Variants in RARB observed in about 807,000 individuals in gnomAD.
The protein encoded by RARB is retinoic acid receptor beta.
Under a neutral mutation model 51.9 loss-of-function variants are expected in RARB, and 17 were observed. The ratio of observed to expected loss-of-function variants is 0.33; its 90% CI spans 0.22 to 0.49. The LOEUF is 0.49. Among genes scored for constraint, RARB ranks in the 20% least tolerant of loss-of-function variants. The probability of loss-of-function intolerance (pLI) is 0.99; values close to 1 mark genes in which losing one functional copy is unlikely to be tolerated. For synonymous variants in RARB, 215 were observed against 195.4 expected, an observed-to-expected ratio of 1.10 and a Z score of -0.84; for missense variants, 369 against 550.8, an observed-to-expected ratio of 0.67 and a Z score of 3.30.
In RARB at chr3:25,428,327, G is replaced by T. The variant is rs540376892; in HGVS notation, c.-405G>T. 19 of 1,245,930 alleles carry T rather than the reference G, an allele frequency of 1.5e-5. No individual in the cohort carries two copies. In the African/African-American group the frequency reaches 2.8e-4, roughly 18 times the overall value. The allele number at this position is 1,245,930 out of a possible 1,614,324, so 77.2% of individuals were successfully genotyped here. ...AGGGTCTATTCTTTGCCAAAGGGGG[G>T]ACCAGAATTCCCCCATGCGAGCTGT... On this transcript the variant is annotated 5_prime_UTR_variant, in exon 1 of 8. Coordinates refer to ENST00000330688, the MANE Select transcript of RARB (RefSeq NM_000965.5).
chr3:25,022,530 G>A (rs7637315), intron 2 of RARB, among the ~76,000 whole-genome samples: 70,932 of 151,910 alleles, frequency 0.47, 16,894 homozygotes, highest in Admixed American at 0.56. Flanking sequence ...ATTCCAAAGC[G>A]GCTGTATCAT....
chr3:25,109,230 G>A (rs1452703368), intron 3 of RARB, among the ~76,000 whole-genome samples: 1 of 152,080 alleles, frequency 6.6e-6, no homozygotes, highest in Admixed American at 6.6e-5. Flanking sequence ...ATATTAGCTG[G>A]TATTTCATTG....
At chr3:25,502,853 A>G (rs1276297055) in intron 3 of RARB, among the ~76,000 whole-genome samples, 1 of 152,208 alleles carries the variant, frequency 6.6e-6, no homozygotes, top group African/African-American at 2.4e-5. Flanking sequence ...GAAAGACAGA[A>G]ATCAAGCCCT....
intron 3 of RARB, among the ~76,000 whole-genome samples, chr3:25,548,205 A>C (rs1375013359): frequency 6.6e-6 from 1 of 151,866 alleles, no homozygotes; most frequent in African/African-American, 2.4e-5. Context: ...CTGTGGTAGA[A>C]GATGGTGACA....
chr3:25,370,568 A>G (rs945292595), intron 5 of RARB, among the ~76,000 whole-genome samples: 1 of 152,192 alleles, frequency 6.6e-6, no homozygotes, highest in Admixed American at 6.5e-5. Flanking sequence ...GGAGAGCGTA[A>G]CTAGTCCCTT....
At chr3:25,433,703 A>C (rs2125518899) in intron 1 of RARB, among the ~76,000 whole-genome samples, 1 of 152,256 alleles carries the variant, frequency 6.6e-6, no homozygotes, top group Middle Eastern at 3.4e-3. Flanking sequence ...GTTAAATAGG[A>C]GATGAGATAA....
intron 3 of RARB, among the ~76,000 whole-genome samples, chr3:25,069,564 T>C (rs1698728487): frequency 6.6e-6 from 1 of 152,160 alleles, no homozygotes; most frequent in South Asian, 2.1e-4. Flanking sequence ...CAAGTCTGTC[T>C]CAAAAATTCC....
chr3:24,946,597 G>A (rs1225102081), intron 2 of RARB, among the ~76,000 whole-genome samples: 1 of 152,096 alleles, frequency 6.6e-6, no homozygotes. Context: ...GGTCGGGTGT[G>A]GTGGCTCACA....
chr3:25,432,584 T>A (rs372771176), intron 1 of RARB, among the ~76,000 whole-genome samples: 1 of 152,206 alleles, frequency 6.6e-6, no homozygotes, highest in African/African-American at 2.4e-5. Flanking sequence ...GGTATTGTTA[T>A]GCACTTTTCT....
intron 5 of RARB, among the ~76,000 whole-genome samples, chr3:25,388,445 C>T (rs1244616262): frequency 6.6e-6 from 1 of 152,120 alleles, no homozygotes; most frequent in Non-Finnish European, 1.5e-5. Context: ...TTACAATATA[C>T]TTAGTTTTCC....
intron 5 of RARB, among the ~76,000 whole-genome samples, chr3:25,292,321 G>A (rs1190517988): frequency 6.6e-6 from 1 of 152,132 alleles, no homozygotes; most frequent in East Asian, 1.9e-4. Context: ...GTCCCACATT[G>A]AGCAAGTCCT....
At position 25,122,470 on chromosome 3, in the gene RARB, G is replaced by A. The variant is rs138681669; in HGVS notation, c.-327-9691G>A. 4.3e-4 allele frequency among the ~76,000 whole-genome samples: 66 copies of A among 152,174 alleles called. No homozygotes were observed. In the East Asian group the frequency reaches 8.3e-3, roughly 19 times the overall value. On this transcript the variant is annotated intron_variant, in intron 3 of 11. Coordinates refer to the RARB transcript ENST00000383772. The stretch of plus-strand genomic sequence containing the variant: ...TTGAAACTTTACAGTGCCATGAACT[G>A]AAGTTTGGGAAGCTCTGCTCTGGGA...
At chr3:25,513,096 G>A (rs6550983) in intron 3 of RARB, among the ~76,000 whole-genome samples, 5,297 of 145,864 alleles carry the variant, frequency 0.036, 324 homozygotes, top group African/African-American at 0.13. Context: ...CAGCTAACAC[G>A]GTAAAACCCT....
At chr3:25,480,504 T>C (rs142013826) in intron 2 of RARB, among the ~76,000 whole-genome samples, 1 of 152,294 alleles carries the variant, frequency 6.6e-6, no homozygotes, top group African/African-American at 2.4e-5. Context: ...GTAGCTAAGG[T>C]AACTAACTCC....
At chr3:25,106,450 T>TTTTCG (rs1491231864) in intron 3 of RARB, among the ~76,000 whole-genome samples, 1 of 87,824 alleles carries the variant, frequency 1.1e-5, no homozygotes, top group Non-Finnish European at 2.2e-5. Flanking sequence ...TACTGTTTTT[T>TTTTCG]GTTTTTTGTT....
At chr3:25,314,047 G>T (rs1048530376) in intron 5 of RARB, among the ~76,000 whole-genome samples, 15 of 151,616 alleles carry the variant, frequency 9.9e-5, no homozygotes, top group Non-Finnish European at 7.4e-5. Flanking sequence ...CTCCAGCCTG[G>T]GTGACAGAGC....
chr3:25,057,212 G>A (rs915134939), intron 2 of RARB, among the ~76,000 whole-genome samples: 4 of 152,010 alleles, frequency 2.6e-5, no homozygotes, highest in African/African-American at 4.8e-5. Context: ...AAACCAGCCC[G>A]TGTTGGCAGT....
chr3:24,962,770 A>G (rs1021956709), intron 2 of RARB, among the ~76,000 whole-genome samples: 2 of 152,190 alleles, frequency 1.3e-5, no homozygotes, highest in Admixed American at 6.5e-5. Context: ...TCTGGTCCCA[A>G]AAAGGTTGGG....
At chr3:25,501,499 T>A (rs911962489) in intron 3 of RARB, among the ~76,000 whole-genome samples, 176 bp downstream of exon 3, 1 of 152,086 alleles carries the variant, frequency 6.6e-6, no homozygotes, top group Non-Finnish European at 1.5e-5. Flanking sequence ...GAAACTTGAG[T>A]GACAGTTGGT....
Sources: gnomAD v4.1 joint callset for allele counts (sites outside exome capture counted in the v4.1 genomes callset) on GRCh38, gnomAD v4.1.1 for gene constraint, MANE v1.5 for transcripts, NCBI Gene and HGNC (gene_info 2026-07-23, HGNC 2026-07-21) for gene names.